The following MYO9B variants were observed in gnomAD, a reference collection of about 807,000 sequenced individuals.
The protein encoded by MYO9B is unconventional myosin-IXb.
Under a neutral mutation model 229.5 loss-of-function variants are expected in MYO9B, and 71 were observed. The observed-to-expected ratio is 0.31, with a 90% CI of 0.26 to 0.38. The LOEUF is 0.38. Among genes scored for constraint, MYO9B ranks in the 10% least tolerant of loss-of-function variants. MYO9B has a pLI of 1.00. For missense variants in MYO9B, 2,255 were observed against 2,920.5 expected, an observed-to-expected ratio of 0.77 and a Z score of 5.25; for synonymous variants, 1,185 against 1,235.8, an observed-to-expected ratio of 0.96 and a Z score of 0.86.
In MYO9B at chr19:17,212,208, G is replaced by C; in HGVS notation, c.6372G>C (p.Leu2124=). 6.3e-7 allele frequency: 1 copy of C among 1,583,936 alleles called. No individual in the cohort carries two copies. Among genetic ancestry groups the C allele is most frequent in the East Asian group, 2.3e-5 (1 of 43,022 alleles). Residue 2124 remains leucine, a synonymous_variant, in exon 40 of 40, where the codon CTG becomes CTC. Transcript: ENST00000682292. This position sits in a 1 kb window ranked among gnomAD's most constrained non-coding sequence, Gnocchi z 5.4. ...PGADLPVQGA[L]EPLEEDGQPP... Reference sequence around the variant, plus strand: ...CAGACCTGCCAGTGCAGGGCGCCCTGGAGCCCCTAGAAGAGGATGGCCAGC... The same window carrying C: ...CAGACCTGCCAGTGCAGGGCGCCCTCGAGCCCCTAGAAGAGGATGGCCAGC...
In MYO9B at chr19:17,194,590, G is replaced by A. The variant is rs199539169; in HGVS notation, c.3163G>A (p.Glu1055Lys). Residue 1055 changes from glutamate (E) to lysine (K), a missense_variant, in exon 22 of 40, where the codon GAA (glutamate) becomes AAA (lysine). Glu to Lys is a moderately conservative substitution (Grantham distance 56, BLOSUM62 1). Transcript: ENST00000682292. Reference protein sequence around the residue: ...SQMISEKQKAEEKEREALEAA... With the variant: ...SQMISEKQKAKEKEREALEAA... ...GATGATCTCGGAGAAGCAGAAGGCAGAAGAGAAGGAGAGGGAAGCCCTGGA... is the reference window on the plus strand; with the variant it reads ...GATGATCTCGGAGAAGCAGAAGGCAAAAGAGAAGGAGAGGGAAGCCCTGGA... The A allele has an allele frequency of 8.1e-6, 13 of 1,612,888 alleles. No homozygotes were observed. In the African/African-American group the frequency reaches 1.7e-4, roughly 21 times the overall value.
chr19:17,135,924 A>T (rs895004440), intron 2 of MYO9B, among the ~76,000 whole-genome samples: 1 of 152,072 alleles, frequency 6.6e-6, no homozygotes, highest in Non-Finnish European at 1.5e-5. Flanking sequence ...TCTGCCACAG[A>T]CCAGGCTTTA....
chr19:17,152,512 G>T, intron 3 of MYO9B, 132 bp from the exon 4 acceptor site: 1 of 659,088 alleles, frequency 1.5e-6, no homozygotes, highest in South Asian at 2.0e-5. Context: ...GCAGTGAGCC[G>T]AGATTGTGCC....
chr19:17,139,756 A>G (rs1015853338), intron 2 of MYO9B, among the ~76,000 whole-genome samples: 1 of 151,956 alleles, frequency 6.6e-6, no homozygotes, highest in African/African-American at 2.4e-5. Flanking sequence ...CATTGGATGA[A>G]TGGGGCTGGG....
intron 2 of MYO9B, among the ~76,000 whole-genome samples, chr19:17,126,070 C>T (rs1174620248): frequency 2.0e-5 from 3 of 152,174 alleles, no homozygotes; most frequent in African/African-American, 7.2e-5. Context: ...GCCTGGCTGG[C>T]ATCATCCCCG....
intron 17 of MYO9B, among the ~76,000 whole-genome samples, chr19:17,185,310 C>T (rs2145419860): frequency 6.7e-6 from 1 of 148,322 alleles, no homozygotes; most frequent in African/African-American, 2.5e-5. Context: ...GGAGGCGGAG[C>T]TTGCAGTGAG....
intron 2 of MYO9B, among the ~76,000 whole-genome samples, chr19:17,109,812 T>C (rs1010831300): frequency 1.3e-5 from 2 of 152,184 alleles, no homozygotes; most frequent in African/African-American, 4.8e-5. Context: ...TCTCATGGGA[T>C]CACCTCATCT....
chr19:17,172,778 T>C lies in MYO9B; in HGVS notation c.1955T>C (p.Met652Thr). The C allele has an allele frequency of 1.2e-6, 2 of 1,613,586 alleles. No individual in the cohort carries two copies. The highest frequency in any genetic ancestry group is 1.7e-6 in the Non-Finnish European group (2 of 1,179,852). Residue 652 changes from methionine (M) to threonine (T), a missense_variant, in exon 13 of 40, where the codon ATG (methionine) becomes ACG (threonine). Met to Thr is a moderately conservative substitution (Grantham distance 81). Transcript: ENST00000682292. The surrounding 1 kb of genome is among the most constrained non-coding windows in gnomAD (Gnocchi z 8.2). ...CACCAGGACTTCCGGGAGAAGAACATGGACTACATGCGGCCAGACATCGTG... is the reference window on the plus strand; with the variant it reads ...CACCAGGACTTCCGGGAGAAGAACACGGACTACATGCGGCCAGACATCGTG... ...YQIKDFREKN[M>T]DYMRPDIVAL...
intron 9 of MYO9B, 89 bp downstream of exon 9, chr19:17,162,555 G>A (rs996785957): frequency 1.8e-5 from 20 of 1,129,240 alleles, no homozygotes; most frequent in East Asian, 7.7e-5. Context: ...TGGAACATCC[G>A]GAGCCGAGGC....
Position 17,185,103 on chromosome 19 carries a change from C to T in MYO9B, c.2496+116C>T, listed in dbSNP as rs574148344. 150 of 1,467,336 alleles carry T rather than the reference C, an allele frequency of 1.0e-4. 1 individual carries two copies. In the South Asian group the frequency reaches 1.6e-3, roughly 16 times the overall value. The allele number at this position is 1,467,336 out of a possible 1,614,324, so 90.9% of individuals were successfully genotyped here. On this transcript the variant is annotated intron_variant, in intron 17 of 39. Transcript: ENST00000682292. ...TAAAAATACAAAAATTGGCCGGGCG[C>T]GGTGGCTCAAGCCTGTAATCCCAGC... is the stretch of plus-strand genomic sequence containing the variant.
In MYO9B at chr19:17,194,881, C is replaced by T. The variant is rs768190226; in HGVS notation, c.3454C>T (p.Arg1152Trp). ...PSSREKRESRRQRGLEHVKFQ... is the reference protein window; with the variant it reads ...PSSREKRESRWQRGLEHVKFQ... ...CAGCCGGGAGAAGCGTGAGTCGCGT[C>T]GGCAAAGAGGGCTGGAGCACGTCAA... The change falls in exon 22 of 40, where the codon CGG (arginine) becomes TGG (tryptophan). Residue 1152 changes from arginine to tryptophan, a missense_variant. Physicochemically the swap from Arg to Trp is moderately radical, Grantham distance 101 (BLOSUM62 -3). This residue lies in a region of MYO9B where 679 missense variants were observed against 770.2 expected (regional missense o/e 0.88). Transcript: ENST00000682292. 44 of 1,613,150 alleles carry T rather than the reference C, an allele frequency of 2.7e-5. No homozygotes were observed. Among genetic ancestry groups the T allele is most frequent in the South Asian group, 4.4e-5 (4 of 91,080 alleles).
intron 2 of MYO9B, among the ~76,000 whole-genome samples, chr19:17,120,471 C>T (rs762194039): frequency 4.6e-5 from 7 of 151,692 alleles, no homozygotes; most frequent in Non-Finnish European, 8.8e-5. Flanking sequence ...AGTGAGACCC[C>T]ATCTCTACAA....
In MYO9B at chr19:17,207,456, G is replaced by A. The variant is rs376052349; in HGVS notation, c.5624+212G>A. ...GAGACCAGCCTGGGCAACATAGCAAGACCCTACAAAAAATTTGAAATTGGA... is the reference window on the plus strand; with the variant it reads ...GAGACCAGCCTGGGCAACATAGCAAAACCCTACAAAAAATTTGAAATTGGA... On this transcript the variant is annotated intron_variant, in intron 35 of 39. Coordinates refer to ENST00000682292, the MANE Select transcript of MYO9B (RefSeq NM_004145.4). 1.3e-4 allele frequency: 50 copies of A among 386,798 alleles called. No homozygotes were observed. In the East Asian group the frequency reaches 1.9e-3, roughly 15 times the overall value. The allele number at this position is 386,798 out of a possible 1,614,324, so 24.0% of individuals were successfully genotyped here. A position where few individuals can be genotyped will look rare whatever the true frequency, so the allele number is the denominator to read the frequency against.
intron 11 of MYO9B, among the ~76,000 whole-genome samples, chr19:17,170,988 A>T (rs948646649): frequency 6.7e-6 from 1 of 150,238 alleles, no homozygotes; most frequent in African/African-American, 2.4e-5. Flanking sequence ...TCATCATGGA[A>T]TTTTTTTTTT....
Position 17,207,242 on chromosome 19 carries a change from C to T in MYO9B, c.5622C>T (p.Thr1874=), listed in dbSNP as rs1348780360. The T allele has an allele frequency of 1.8e-5, 29 of 1,594,098 alleles. No homozygotes were observed. The highest frequency in any genetic ancestry group is 1.7e-4 in the Middle Eastern group (1 of 6,050). ...LTSMKDVLKI[T]TCVEMLIKEQ... Reference sequence around the variant, plus strand: ...GCATGAAGGACGTCCTCAAGATCACCACGTGAGTGCCCACCCTGCCCCGGA... The same window carrying T: ...GCATGAAGGACGTCCTCAAGATCACTACGTGAGTGCCCACCCTGCCCCGGA... The change falls in exon 35 of 40, where the codon ACC becomes ACT. Residue 1874 remains threonine, a splice_region_variant and synonymous_variant. Transcript: ENST00000682292.
chr19:17,159,606 G>A, intron 8 of MYO9B, 122 bp downstream of exon 8: 3 of 892,216 alleles, frequency 3.4e-6, no homozygotes, highest in South Asian at 1.5e-5. Context: ...AACCTAGGCA[G>A]TGCCTCTGAT....
rs1372186877 is a variant in MYO9B at position 17,212,539 on chromosome 19, G to C, written c.*229G>C. On this transcript the variant is annotated 3_prime_UTR_variant, in exon 40 of 40. Coordinates refer to ENST00000682292, the MANE Select transcript of MYO9B (RefSeq NM_004145.4). This position sits in a 1 kb window ranked among gnomAD's most constrained non-coding sequence, Gnocchi z 5.4. ...CAAATCATGGACGCACCTGTGGGGA[G>C]CACCACATCTCCACCTGCGGCCTCA... 1.1e-5 allele frequency: 5 copies of C among 471,278 alleles called. No individual in the cohort carries two copies. Among genetic ancestry groups the C allele is most frequent in the African/African-American group, 2.0e-5 (1 of 49,502 alleles). The allele number at this position is 471,278 out of a possible 1,614,324, so 29.2% of individuals were successfully genotyped here.
chr19:17,120,979 A>G (rs961944523), intron 2 of MYO9B, among the ~76,000 whole-genome samples: 9 of 152,110 alleles, frequency 5.9e-5, no homozygotes, highest in Admixed American at 2.0e-4. Context: ...GTCTGGCTCT[A>G]TCGCCCAGGC....
chr19:17,163,153 G>T, intron 10 of MYO9B, 31 bp downstream of exon 10: 1 of 1,543,944 alleles, frequency 6.5e-7, no homozygotes, highest in South Asian at 1.2e-5. Flanking sequence ...TCAATTTTTT[G>T]AACTTGGTAA....
Sources: gnomAD v4.1 joint callset for allele counts (sites outside exome capture counted in the v4.1 genomes callset) on GRCh38, gnomAD v4.1.1 for gene constraint, gnomAD v4.1.1 regional missense constraint, Gnocchi (gnomAD v3.1) non-coding constraint, MANE v1.5 for transcripts, NCBI Gene and HGNC (gene_info 2026-07-23, HGNC 2026-07-21) for gene names.